The following KAZN variants were observed in gnomAD, a reference collection of about 807,000 sequenced individuals.
KAZN encodes the protein kazrin.
KAZN carries 40 observed loss-of-function variants against 87.4 expected under a neutral mutation model. The observed-to-expected ratio is 0.46, with a 90% confidence interval of 0.36 to 0.60. The LOEUF is 0.60. KAZN is among the 20% of genes least tolerant of loss of function. The pLI, the probability that KAZN is intolerant of heterozygous loss-of-function variation, is 0.00. For synonymous variants in KAZN, 466 were observed against 458.3 expected, an observed-to-expected ratio of 1.02 and a Z score of -0.22; for missense variants, 898 against 1,073.9, an observed-to-expected ratio of 0.84 and a Z score of 2.29.
rs1644974038 is a variant in KAZN, at chr1:14,769,724, T to C, written c.226+170501T>C. 6.6e-6 allele frequency among the ~76,000 whole-genome samples: 1 copy of C among 152,216 alleles called. No homozygotes were observed. Among genetic ancestry groups the C allele is most frequent in the Admixed American group, 6.5e-5 (1 of 15,284 alleles). ...AGTGATTGCGGGAAATTAACACTGG[T>C]CCTTCATTCGTTCATTTAGTCAGCA... On this transcript the variant is annotated intron_variant, in intron 1 of 14. Coordinates refer to ENST00000376030, the MANE Select transcript of KAZN (RefSeq NM_201628.3). The surrounding 1 kb of genome is among the most constrained non-coding windows in gnomAD (Gnocchi z 4.1).
chr1:14,523,596 G>A (rs952715887), intron 2 of KAZN, among the ~76,000 whole-genome samples: 3 of 152,242 alleles, frequency 2.0e-5, no homozygotes, highest in Non-Finnish European at 2.9e-5. Flanking sequence ...GCCCTCTAGT[G>A]AATCCCAGCA....
intron 2 of KAZN, among the ~76,000 whole-genome samples, chr1:15,026,933 C>T (rs1053894837): frequency 2.0e-5 from 3 of 152,022 alleles, no homozygotes; most frequent in African/African-American, 7.3e-5. Flanking sequence ...ACTTGAGCAT[C>T]GGTGGATTTT....
intron 2 of KAZN, among the ~76,000 whole-genome samples, chr1:14,352,594 T>C (rs1005514665): frequency 6.6e-6 from 1 of 152,200 alleles, no homozygotes; most frequent in African/African-American, 2.4e-5. Context: ...CAGAAACAAT[T>C]TGCTCATATA....
intron 2 of KAZN, among the ~76,000 whole-genome samples, chr1:14,343,669 C>T (rs897535936): frequency 1.2e-4 from 18 of 152,124 alleles, no homozygotes; most frequent in Admixed American, 8.5e-4. Context: ...GACTGGAACC[C>T]GAAATCAATA....
At chr1:14,963,272 G>C (rs1664095763) in intron 2 of KAZN, among the ~76,000 whole-genome samples, 1 of 152,170 alleles carries the variant, frequency 6.6e-6, no homozygotes, top group African/African-American at 2.4e-5. Context: ...CACCTACTGG[G>C]TGCCAACACT....
At chr1:14,038,757 TGCAAA>T (rs1384697303) in intron 1 of KAZN, among the ~76,000 whole-genome samples, 1 of 152,168 alleles carries the variant, frequency 6.6e-6, no homozygotes, top group African/African-American at 2.4e-5. Flanking sequence ...ATGGAAGCAG[TGCAAA>T]GCGAAGCATG....
intron 1 of KAZN, among the ~76,000 whole-genome samples, chr1:14,075,348 CTAATGG>C (rs1347532710): frequency 6.6e-6 from 1 of 152,126 alleles, no homozygotes; most frequent in Non-Finnish European, 1.5e-5. Flanking sequence ...CACTCTTGCG[CTAATGG>C]TTGTTTCCCA....
chr1:15,025,946 C>G (rs879511719), intron 2 of KAZN, among the ~76,000 whole-genome samples: 4 of 152,118 alleles, frequency 2.6e-5, no homozygotes, highest in African/African-American at 9.7e-5. Context: ...CCTGATGTGA[C>G]GAGAACCTGA....
chr1:15,002,290 G>T (rs1024658909), intron 2 of KAZN, among the ~76,000 whole-genome samples: 2 of 152,212 alleles, frequency 1.3e-5, no homozygotes, highest in Admixed American at 1.3e-4. Flanking sequence ...TGTCAAAGGG[G>T]AATCAGAACA....
intron 2 of KAZN, among the ~76,000 whole-genome samples, chr1:14,224,391 A>G (rs1468538960): frequency 1.3e-5 from 2 of 152,234 alleles, no homozygotes; most frequent in Admixed American, 6.5e-5. Flanking sequence ...AGAGTAGAAC[A>G]TACTAAGATA....
At chr1:14,124,736 C>T (rs768187345) in intron 1 of KAZN, among the ~76,000 whole-genome samples, 5 of 152,206 alleles carry the variant, frequency 3.3e-5, no homozygotes, top group Admixed American at 6.5e-5. Flanking sequence ...CTCTGAGGCC[C>T]GCCCTCTTGC....
At chr1:14,223,906 A>G (rs777838520) in intron 2 of KAZN, among the ~76,000 whole-genome samples, 1 of 152,198 alleles carries the variant, frequency 6.6e-6, no homozygotes, top group Non-Finnish European at 1.5e-5. Flanking sequence ...AAAGGAGGTG[A>G]TCAGCAAGGG....
At chr1:14,766,012 T>G (rs2100569734) in intron 1 of KAZN, among the ~76,000 whole-genome samples, 1 of 152,108 alleles carries the variant, frequency 6.6e-6, no homozygotes, top group East Asian at 1.9e-4. Context: ...AAGCCAACCT[T>G]GAGATGATGA....
intron 1 of KAZN, among the ~76,000 whole-genome samples, chr1:14,847,438 G>A (rs1357722494): frequency 1.3e-5 from 2 of 152,192 alleles, no homozygotes; most frequent in South Asian, 2.1e-4. Context: ...ATGTAGGCTT[G>A]TAGCAGAAAA....
At chr1:14,965,439 A>C (rs973326614) in intron 2 of KAZN, among the ~76,000 whole-genome samples, 1 of 152,208 alleles carries the variant, frequency 6.6e-6, no homozygotes, top group African/African-American at 2.4e-5. Context: ...CCTCAATTTC[A>C]TGATTTCTCC....
At chr1:14,238,425 G>C (rs1648618630) in intron 2 of KAZN, among the ~76,000 whole-genome samples, 1 of 152,166 alleles carries the variant, frequency 6.6e-6, no homozygotes, top group South Asian at 2.1e-4. Flanking sequence ...TTCTTTTCCG[G>C]CCCTCATATC....
chr1:14,285,017 T>A (rs1300838040), intron 2 of KAZN, among the ~76,000 whole-genome samples: 1 of 152,164 alleles, frequency 6.6e-6, no homozygotes, highest in Non-Finnish European at 1.5e-5. Context: ...TCCCCCTGGG[T>A]TGCTGAAAGT....
At chr1:15,013,249 T>C (rs1270399417) in intron 2 of KAZN, among the ~76,000 whole-genome samples, 1 of 152,146 alleles carries the variant, frequency 6.6e-6, no homozygotes, top group Admixed American at 6.5e-5. Context: ...TGCCAGACCC[T>C]CATTTTAGCA....
intron 1 of KAZN, among the ~76,000 whole-genome samples, chr1:14,092,092 C>CTTTTTTTTTTTTTTTTTT (rs869248379): frequency 1.5e-5 from 2 of 129,086 alleles, no homozygotes; most frequent in Admixed American, 7.8e-5. Context: ...ATTTTCTTTT[C>CTTTTTTTTTTTTTTTTTT]TTTTTTTTTT....
Sources: allele counts gnomAD v4.1 joint callset (sites outside exome capture counted in the v4.1 genomes callset), GRCh38; gene constraint gnomAD v4.1.1; non-coding constraint Gnocchi (gnomAD v3.1); transcripts MANE v1.5; gene names NCBI Gene and HGNC (gene_info 2026-07-23, HGNC 2026-07-21).